CUL4B: variants seen among roughly 807,000 people sequenced by gnomAD.
CUL4B encodes cullin-4B.
CUL4B carries 1 observed loss-of-function variant against 69.2 expected under a neutral mutation model. The observed-to-expected ratio is 0.01, with a 90% CI of 0.01 to 0.07. The LOEUF (loss-of-function observed/expected upper bound fraction) is 0.07, where lower values mean the gene tolerates loss of function less well. Among genes scored for constraint, CUL4B ranks in the 10% least tolerant of loss-of-function variants. CUL4B has a pLI of 1.00. For missense variants in CUL4B, 328 were observed against 638.8 expected (o/e 0.51, Z 5.24); for synonymous variants, 237 against 223.2 (o/e 1.06, Z -0.55).
intron 6 of CUL4B, 84 bp downstream of exon 6, chrX:120,544,397 T>G (rs1360318732): frequency 8.9e-6 from 9 of 1,016,327 alleles, no homozygotes; most frequent in Non-Finnish European, 1.1e-5. Flanking sequence ...TGTTATGACA[T>G]CAGCACATTA....
At chrX:120,531,195 G>A (rs775020740) in intron 18 of CUL4B, among the ~76,000 whole-genome samples, 121 of 109,180 alleles carry the variant, frequency 1.1e-3, no homozygotes, top group African/African-American at 3.9e-3. Context: ...GGTCGCTCAC[G>A]CATGTAGTCC....
rs1925220919 is a variant in CUL4B, at chrX:120,560,456, G to A, written c.183C>T (p.Thr61=). The stretch of plus-strand genomic sequence containing the variant: ...AAGGAGGAGTGGAAGAGGAGGAAGA[G>A]GTGGAATCAAAGTCTTCTCTCTCGT... ...SSNEREDFDS[T]SSSSSTPPLQ... The change falls in exon 1 of 20, where the codon ACC becomes ACT. Residue 61 remains threonine, a synonymous_variant. Coordinates refer to ENST00000371322, the MANE Select transcript of CUL4B (RefSeq NM_001079872.2). The A allele has an allele frequency of 1.7e-6, 2 of 1,207,465 alleles. No homozygotes were observed. The highest frequency in any genetic ancestry group is 1.1e-6 in the Non-Finnish European group (1 of 893,279).
intron 19 of CUL4B, 36 bp from the exon 20 acceptor site, chrX:120,526,892 T>A (rs767985470): frequency 3.3e-6 from 3 of 904,442 alleles, no homozygotes; most frequent in Non-Finnish European, 4.8e-6. Flanking sequence ...GTAAAGTTCA[T>A]TATCATTGGC....
downstream of CUL4B, among the ~76,000 whole-genome samples, chrX:120,570,622 G>T (rs1925683531): frequency 8.9e-6 from 1 of 112,122 alleles, no homozygotes; most frequent in Non-Finnish European, 1.9e-5. Flanking sequence ...AACATGCTAA[G>T]GATTTTCTAT....
At chrX:120,556,771 G>A (rs1924992011) in intron 2 of CUL4B, among the ~76,000 whole-genome samples, 1 of 110,607 alleles carries the variant, frequency 9.0e-6, no homozygotes, top group Admixed American at 9.7e-5. Context: ...CCCATCTTCT[G>A]ACTCCTAATC....
chrX:120,555,876 A>G (rs1924932724), intron 2 of CUL4B, among the ~76,000 whole-genome samples: 1 of 97,576 alleles, frequency 1.0e-5, no homozygotes, highest in Admixed American at 1.2e-4. Context: ...CGGGAGGTGG[A>G]GGTTGCAGTG....
chrX:120,528,240 G>T (rs1321911047), intron 19 of CUL4B, among the ~76,000 whole-genome samples: 1 of 108,625 alleles, frequency 9.2e-6, no homozygotes, highest in Non-Finnish European at 1.9e-5. Context: ...AACCCCATCT[G>T]TACTAAAAAT....
rs1171252023 is a variant in CUL4B at position 120,526,635 on chromosome X, T to A, written c.*126A>T. 12 of 463,517 alleles carry A rather than the reference T, an allele frequency of 2.6e-5. No homozygotes were observed. Among genetic ancestry groups the A allele is most frequent in the Non-Finnish European group, 4.3e-5 (11 of 254,044 alleles). The allele number at this position is 463,517 out of a possible 1,213,427, so 38.2% of individuals were successfully genotyped here. ...CACTGAGAAAAAGTCCACTCAACTA[T>A]TTCCATTAATTACACTGCTTCATTT... On this transcript the variant is annotated 3_prime_UTR_variant, in exon 20 of 20. Coordinates refer to ENST00000371322, the MANE Select transcript of CUL4B (RefSeq NM_001079872.2).
intron 16 of CUL4B, among the ~76,000 whole-genome samples, chrX:120,535,125 T>C (rs1923578729): frequency 9.2e-6 from 1 of 109,007 alleles, no homozygotes; most frequent in Non-Finnish European, 1.9e-5. Context: ...AGCCCATGAG[T>C]TTGAGGTTAC....
upstream of CUL4B, among the ~76,000 whole-genome samples, chrX:120,566,431 CTT>C (rs2147355791): frequency 1.1e-5 from 1 of 89,122 alleles, no homozygotes; most frequent in South Asian, 6.0e-4. Flanking sequence ...GAGTTTCGCT[CTT>C]GTTGCCCAGG....
chrX:120,546,763 T>C, intron 3 of CUL4B, 147 bp from the exon 4 acceptor site: 1 of 441,142 alleles, frequency 2.3e-6, no homozygotes. Context: ...TGCTATTTCC[T>C]AATTTGTAAA....
In CUL4B at chrX:120,539,140, A is replaced by G. The variant is rs745332228; in HGVS notation, c.1741+128T>C. 131 of 463,281 alleles carry G rather than the reference A, an allele frequency of 2.8e-4. No individual in the cohort carries two copies. In the South Asian group the frequency reaches 4.5e-3, roughly 16 times the overall value. 38.2% of individuals were successfully genotyped at this position (463,281 alleles called of 1,213,427 possible). Reference sequence around the variant, plus strand: ...GTAACATTCCTCACGTATCCCCCCAATGAATTAAACACAATTTTAAATCTG... The same window carrying G: ...GTAACATTCCTCACGTATCCCCCCAGTGAATTAAACACAATTTTAAATCTG... On this transcript the variant is annotated intron_variant, in intron 12 of 19. Transcript: ENST00000371322.
chrX:120,575,063 C>G (rs1435906310), intron 1 of CUL4B, among the ~76,000 whole-genome samples: 1 of 111,724 alleles, frequency 9.0e-6, no homozygotes, highest in Non-Finnish European at 1.9e-5. Context: ...CTGTTCCTGC[C>G]TCTTCTTTAA....
At chrX:120,571,839 G>A (rs762628900) in exon 3 of CUL4B, 2 of 111,238 alleles carry the variant, frequency 1.8e-5, no homozygotes, top group Non-Finnish European at 3.8e-5. Flanking sequence ...TTGGAAACCT[G>A]TAAAGGGAAG....
Position 120,535,923 on chromosome X carries a change from A to T in CUL4B, c.2067T>A (p.Ile689=). 2 of 1,194,764 alleles carry T rather than the reference A, an allele frequency of 1.7e-6. No individual in the cohort carries two copies. Among genetic ancestry groups the T allele is most frequent in the South Asian group, 1.8e-5 (1 of 56,573 alleles). The change falls in exon 16 of 20, where the codon ATT becomes ATA. Residue 689 remains isoleucine, a synonymous_variant. Transcript: ENST00000371322. ...LPPEMVKLQE[I]FKTFYLGKHS... is the part of the protein sequence containing the mutation. ...GTTTGCCTAGGTAAAATGTCTTGAAAATCTCCTGAAGTTTTACCATCTAAA... is the reference window on the plus strand; with the variant it reads ...GTTTGCCTAGGTAAAATGTCTTGAATATCTCCTGAAGTTTTACCATCTAAA...
chrX:120,542,954 A>C lies in CUL4B; in HGVS notation c.1324+12T>G. The C allele has an allele frequency of 8.5e-7, 1 of 1,175,289 alleles. No homozygotes were observed. The highest frequency in any genetic ancestry group is 1.2e-6 in the Non-Finnish European group (1 of 863,740). ...TTAAAAAGCAATCTCTTATTTACAAATTGCCAATTACCTTTCTGAAGAATT... is the reference window on the plus strand; with the variant it reads ...TTAAAAAGCAATCTCTTATTTACAACTTGCCAATTACCTTTCTGAAGAATT... On this transcript the variant is annotated intron_variant, in intron 9 of 19. Transcript: ENST00000371322.
chrX:120,558,296 C>CA (rs1457414853), intron 1 of CUL4B, among the ~76,000 whole-genome samples: 9 of 111,303 alleles, frequency 8.1e-5, no homozygotes, highest in Non-Finnish European at 1.7e-4. Flanking sequence ...TGTATTGCTT[C>CA]AAAAAAATAA....
rs1186077428 is a variant in CUL4B, at chrX:120,546,492, G to A, written c.846+55C>T. 1.9e-5 allele frequency: 19 copies of A among 975,469 alleles called. No individual in the cohort carries two copies. In the East Asian group the frequency reaches 5.3e-4, roughly 27 times the overall value. 80.4% of individuals were successfully genotyped at this position (975,469 alleles called of 1,213,427 possible). A position where few individuals can be genotyped will look rare whatever the true frequency, so the allele number is the denominator to read the frequency against. On this transcript the variant is annotated intron_variant, in intron 4 of 19. Coordinates refer to ENST00000371322, the MANE Select transcript of CUL4B (RefSeq NM_001079872.2). ...CTAACATTCCTGTATTTGAAGAAAT[G>A]TTTTTAACTATTAATACAATGTTTA...
chrX:120,545,185 A>G (rs1924241322), intron 5 of CUL4B, among the ~76,000 whole-genome samples: 1 of 112,200 alleles, frequency 8.9e-6, no homozygotes, highest in Admixed American at 9.5e-5. Context: ...ACAATCATAG[A>G]CATTCCAGAG....
Sources: gnomAD v4.1 joint callset for allele counts (sites outside exome capture counted in the v4.1 genomes callset) on GRCh38, gnomAD v4.1.1 for gene constraint, MANE v1.5 for transcripts, NCBI Gene and HGNC (gene_info 2026-07-23, HGNC 2026-07-21) for gene names.